Variants in SLBP observed in about 807,000 individuals in gnomAD.
SLBP encodes histone RNA hairpin-binding protein.
A neutral mutation model predicts 39.2 loss-of-function variants in SLBP; 29 were observed. That is an observed-to-expected ratio of 0.74 (90% CI 0.55 to 1.01). The LOEUF is 1.01. Ranked by LOEUF, SLBP falls within the 50% of genes least tolerant of loss-of-function variation. The pLI is 0.00. For synonymous variants in SLBP, 129 were observed against 118.7 expected (o/e 1.09, Z -0.57); for missense variants, 390 against 350.2 (o/e 1.11, Z -0.91).
intron 5 of SLBP, among the ~76,000 whole-genome samples, chr4:1,698,553 C>T (rs1716209068): frequency 7.1e-6 from 1 of 141,536 alleles, no homozygotes; most frequent in Admixed American, 7.0e-5. Flanking sequence ...GGTGCAATCT[C>T]GGCTCACTGC....
Position 1,712,002 on chromosome 4 carries a change from G to A in SLBP, c.60-12C>T. 1.6e-6 allele frequency: 2 copies of A among 1,286,056 alleles called. No individual in the cohort carries two copies. The highest frequency in any genetic ancestry group is 2.3e-5 in the South Asian group (1 of 44,154). 79.7% of individuals were successfully genotyped at this position (1,286,056 alleles called of 1,614,324 possible). ...CGGGGGACGGCGGGCTGCGGGGAGG[G>A]ACGCGGTCGGCTGGGCACGGGAGGT... On this transcript the variant is annotated splice_polypyrimidine_tract_variant and intron_variant, in intron 1 of 7. Transcript: ENST00000489418.
intron 2 of SLBP, among the ~76,000 whole-genome samples, chr4:1,711,455 C>G (rs1194774637): frequency 1.3e-5 from 2 of 152,140 alleles, no homozygotes; most frequent in East Asian, 1.9e-4. Flanking sequence ...ATCAAGCCCT[C>G]CTTTCGCTCG....
chr4:1,704,405 TAG>T (rs761425903), intron 2 of SLBP, among the ~76,000 whole-genome samples: 71 of 152,306 alleles, frequency 4.7e-4, no homozygotes, highest in Non-Finnish European at 6.8e-4. Context: ...TCAGAGAGTG[TAG>T]AGTTTCCCAT....
At chr4:1,700,870 G>C (rs1014935541) in intron 3 of SLBP, among the ~76,000 whole-genome samples, 1 of 152,030 alleles carries the variant, frequency 6.6e-6, no homozygotes, top group Non-Finnish European at 1.5e-5. Flanking sequence ...GGCCTGTCAT[G>C]CAGGTATCTA....
At chr4:1,702,912 C>T (rs184591534) in intron 3 of SLBP, among the ~76,000 whole-genome samples, 163 of 152,134 alleles carry the variant, frequency 1.1e-3, no homozygotes, top group Non-Finnish European at 9.1e-4. Context: ...GTGTGAGCAC[C>T]GCACACAGAA....
intron 2 of SLBP, among the ~76,000 whole-genome samples, chr4:1,707,298 G>A (rs1716558949): frequency 1.6e-4 from 10 of 62,734 alleles, no homozygotes; most frequent in South Asian, 4.6e-4. Flanking sequence ...AAAAAAAAAA[G>A]AGTTCAAGAC....
chr4:1,699,190 T>C (rs1345034230), intron 5 of SLBP, among the ~76,000 whole-genome samples: 7 of 152,216 alleles, frequency 4.6e-5, no homozygotes, highest in Non-Finnish European at 1.0e-4. Context: ...GGCAAGAACA[T>C]GCTGCTTAAA....
chr4:1,695,847 G>A (rs966928116), intron 6 of SLBP, among the ~76,000 whole-genome samples: 6 of 151,516 alleles, frequency 4.0e-5, no homozygotes, highest in Non-Finnish European at 7.4e-5. Context: ...TGGTTGAGCC[G>A]AAATGACTCA....
intron 2 of SLBP, among the ~76,000 whole-genome samples, chr4:1,710,978 G>T (rs1361702741): frequency 2.0e-5 from 3 of 151,480 alleles, no homozygotes; most frequent in Non-Finnish European, 2.9e-5. Flanking sequence ...TTGAACCCGG[G>T]AGGGGGAGGC....
In SLBP at chr4:1,712,168, G is replaced by A. The variant is rs1716806212; in HGVS notation, c.21C>T (p.Ser7=). Residue 7 remains serine (S), a synonymous_variant, in exon 1 of 8, where the codon AGC becomes AGT. Transcript: ENST00000489418. MACRPR[S]PPRHQSRCDG... is the part of the protein sequence containing the mutation. ...CGCAGCGGCTCTGATGCCTCGGCGG[G>A]CTTCGCGGGCGGCAGGCCATGGCAG... 4 of 1,235,360 alleles carry A rather than the reference G, an allele frequency of 3.2e-6. No individual in the cohort carries two copies. Among genetic ancestry groups the A allele is most frequent in the Non-Finnish European group, 4.0e-6 (4 of 992,554 alleles). 76.5% of individuals were successfully genotyped at this position (1,235,360 alleles called of 1,614,324 possible). A position where few individuals can be genotyped will look rare whatever the true frequency, so the allele number is the denominator to read the frequency against.
chr4:1,709,698 G>T (rs1367517337), intron 2 of SLBP, among the ~76,000 whole-genome samples: 3 of 149,152 alleles, frequency 2.0e-5, no homozygotes, highest in African/African-American at 7.4e-5. Context: ...CGCAAGCTCC[G>T]CCTCCCGGGT....
At chr4:1,712,090 G>A in intron 1 of SLBP, 40 bp downstream of exon 1, 1 of 1,228,942 alleles carries the variant, frequency 8.1e-7, no homozygotes, top group Non-Finnish European at 1.0e-6. Flanking sequence ...CCGCCCCACG[G>A]GGCACGCGCT....
intron 3 of SLBP, 134 bp from the exon 4 acceptor site, chr4:1,700,204 T>A: frequency 2.0e-6 from 1 of 492,550 alleles, no homozygotes; most frequent in East Asian, 3.2e-5. Flanking sequence ...CCAAAAGAAA[T>A]CTTTGTCAGG....
chr4:1,707,648 A>C (rs897061142), intron 2 of SLBP, among the ~76,000 whole-genome samples: 4 of 152,132 alleles, frequency 2.6e-5, no homozygotes, highest in African/African-American at 9.7e-5. Context: ...CACTACTGAC[A>C]TTAAAACTAG....
chr4:1,712,252 G>T lies in SLBP; in HGVS notation c.-64C>A. On this transcript the variant is annotated 5_prime_UTR_variant, in exon 1 of 8. Coordinates refer to ENST00000489418, the MANE Select transcript of SLBP (RefSeq NM_006527.4). The stretch of plus-strand genomic sequence containing the variant: ...GAGGCGGCGGCGGCGCGGGCAGAGA[G>T]CGCAGAGTAGAGCAGGGCAGGGCCT... 3 of 1,054,220 alleles carry T rather than the reference G, an allele frequency of 2.8e-6. No homozygotes were observed. Among genetic ancestry groups the T allele is most frequent in the Non-Finnish European group, 3.7e-6 (3 of 804,442 alleles). 65.3% of individuals were successfully genotyped at this position (1,054,220 alleles called of 1,614,324 possible). A position where few individuals can be genotyped will look rare whatever the true frequency, so the allele number is the denominator to read the frequency against.
intron 2 of SLBP, among the ~76,000 whole-genome samples, chr4:1,704,355 C>T (rs1296284774): frequency 3.3e-5 from 5 of 152,078 alleles, no homozygotes; most frequent in African/African-American, 1.2e-4. Flanking sequence ...ATCCAACATC[C>T]GGCCTGATGC....
chr4:1,702,885 A>G (rs752503058), intron 3 of SLBP, among the ~76,000 whole-genome samples: 1 of 152,162 alleles, frequency 6.6e-6, no homozygotes, highest in Non-Finnish European at 1.5e-5. Flanking sequence ...AGAGCACTCC[A>G]TCTACTGTGC....
At chr4:1,712,017 G>C in intron 1 of SLBP, 27 bp from the exon 2 acceptor site, 1 of 1,271,888 alleles carries the variant, frequency 7.9e-7, no homozygotes, top group Non-Finnish European at 9.9e-7. Context: ...GGTCGGCTGG[G>C]CACGGGAGGT....
intron 2 of SLBP, 72 bp from the exon 3 acceptor site, chr4:1,703,772 T>A (rs763976367): frequency 6.4e-6 from 7 of 1,089,482 alleles, no homozygotes; most frequent in Non-Finnish European, 9.9e-6. Context: ...TGTCAAGAAA[T>A]ATTCAAAGGC....
Sources: allele counts gnomAD v4.1 joint callset (sites outside exome capture counted in the v4.1 genomes callset), GRCh38; gene constraint gnomAD v4.1.1; transcripts MANE v1.5; gene names NCBI Gene and HGNC (gene_info 2026-07-23, HGNC 2026-07-21).